The following PKD1L1 variants were observed in gnomAD, a reference collection of about 807,000 sequenced individuals.
PKD1L1 encodes polycystin-1-like protein 1.
Under a neutral mutation model 323.4 loss-of-function variants are expected in PKD1L1, and 236 were observed. The observed-to-expected ratio is 0.73, with a 90% confidence interval of 0.66 to 0.81. The LOEUF (loss-of-function observed/expected upper bound fraction) is 0.81, where lower values mean the gene tolerates loss of function less well. PKD1L1 is among the 40% of genes least tolerant of loss of function. PKD1L1 has a pLI of 0.00. For synonymous variants in PKD1L1, 1,344 were observed against 1,335.0 expected (o/e 1.01, Z -0.15); for missense variants, 3,320 against 3,508.0 (o/e 0.95, Z 1.35).
At chr7:47,936,299 CTG>C (rs769521160) in intron 4 of PKD1L1, among the ~76,000 whole-genome samples, 1 of 152,186 alleles carries the variant, frequency 6.6e-6, no homozygotes, top group Admixed American at 6.5e-5. Flanking sequence ...AACTGAAGCT[CTG>C]TGCCCATTAC....
rs544842526 is a variant in PKD1L1, at chr7:47,904,355, TCCG to T, written c.1931+20_1931+22del. 106 of 1,613,620 alleles carry T rather than the reference TCCG, an allele frequency of 6.6e-5. No individual in the cohort carries two copies. In the East Asian group the frequency reaches 2.2e-3, roughly 33 times the overall value. On this transcript the variant is annotated intron_variant, in intron 12 of 56. Coordinates refer to ENST00000289672, the MANE Select transcript of PKD1L1 (RefSeq NM_138295.5). ...TTCCCGCGCTGTCTGTAGAGAGCAC[TCCG>T]CCGCCTTGCAGTGGCTCACCTACTG...
At chr7:47,829,196 C>A (rs142085492) in intron 44 of PKD1L1, among the ~76,000 whole-genome samples, 2 of 152,118 alleles carry the variant, frequency 1.3e-5, no homozygotes, top group Non-Finnish European at 2.9e-5. Flanking sequence ...AAAATATGCT[C>A]ATTTTCTTGA....
intron 41 of PKD1L1, among the ~76,000 whole-genome samples, chr7:47,832,295 C>T (rs1016332638): frequency 1.3e-5 from 2 of 152,220 alleles, no homozygotes; most frequent in African/African-American, 2.4e-5. Flanking sequence ...GCCCAGGCCA[C>T]GTGTCCAGTT....
At chr7:47,795,954 T>C (rs767666095) in intron 55 of PKD1L1, 35 bp downstream of exon 55, 3 of 1,594,386 alleles carry the variant, frequency 1.9e-6, no homozygotes, top group Non-Finnish European at 1.7e-6. Context: ...GAGTGTGTGC[T>C]ATCATGCTCA....
In PKD1L1 at chr7:47,834,392, CA is replaced by C. The variant is rs770446770; in HGVS notation, c.6128-8del. On this transcript the variant is annotated splice_region_variant and splice_polypyrimidine_tract_variant and intron_variant, in intron 39 of 56. Coordinates refer to ENST00000289672, the MANE Select transcript of PKD1L1 (RefSeq NM_138295.5). The stretch of plus-strand genomic sequence containing the variant: ...CTTCCCCAGGAATTAGGACCTGATT[CA>C]AAAAAATAAAAATCCAATGTACGAT... 1 of 1,612,916 alleles carries C rather than the reference CA, an allele frequency of 6.2e-7. No homozygotes were observed. The highest frequency in any genetic ancestry group is 8.5e-7 in the Non-Finnish European group (1 of 1,179,108).
intron 18 of PKD1L1, among the ~76,000 whole-genome samples, chr7:47,885,034 T>G (rs1786652036): frequency 6.6e-6 from 1 of 152,202 alleles, no homozygotes; most frequent in Admixed American, 6.5e-5. Context: ...TCTTTTCTTT[T>G]AGAAGGAGAG....
At chr7:47,914,077 T>C (rs1787378584) in intron 8 of PKD1L1, among the ~76,000 whole-genome samples, 1 of 152,184 alleles carries the variant, frequency 6.6e-6, no homozygotes, top group African/African-American at 2.4e-5. Flanking sequence ...AATATTCTAA[T>C]TTCATCATTG....
At chr7:47,956,495 C>T in the PKD1L1 span, among the ~76,000 whole-genome samples, 12 of 152,280 alleles carry the variant, frequency 7.9e-5, no homozygotes, top group South Asian at 6.2e-4. Context: ...TGGCACTACA[C>T]GGGCTGTAGC....
chr7:47,913,600 C>T (rs79844664), intron 8 of PKD1L1, among the ~76,000 whole-genome samples: 8,416 of 152,048 alleles, frequency 0.055, 327 homozygotes, highest in Non-Finnish European at 0.084. Flanking sequence ...GTGGCACCTC[C>T]CCCCCTCTTG....
intron 46 of PKD1L1, among the ~76,000 whole-genome samples, chr7:47,819,350 G>T (rs775461372): frequency 2.6e-5 from 4 of 152,190 alleles, no homozygotes; most frequent in Non-Finnish European, 5.9e-5. Flanking sequence ...TTTCTGATTT[G>T]AATATCAAGA....
intron 6 of PKD1L1, 47 bp from the exon 7 acceptor site, chr7:47,929,573 T>G (rs1265044061): frequency 6.6e-7 from 1 of 1,524,940 alleles, no homozygotes; most frequent in Non-Finnish European, 8.9e-7. Context: ...AGTGGACCAC[T>G]GGGGTGGGAG....
At chr7:47,796,830 CA>C (rs71006525) in intron 54 of PKD1L1, among the ~76,000 whole-genome samples, 27,534 of 132,082 alleles carry the variant, frequency 0.21, 2,936 homozygotes, top group South Asian at 0.3. Context: ...TCCTAAATTA[CA>C]AAAAAAAAAA....
At position 47,821,180 on chromosome 7, in the gene PKD1L1, A is replaced by ATATTAC; in HGVS notation, c.6860_6861insGTAATA (p.Ile2287delinsMetTer). Reference sequence around the variant, plus strand: ...GAAGCAGCATGAGGATGTCCATGGAAATGTCTCTGTAAGAAGAGTTTTTAA... The same window carrying ATATTAC: ...GAAGCAGCATGAGGATGTCCATGGAATATTACATGTCTCTGTAAGAAGAGTTTTTAA... On this transcript the variant is annotated stop_gained and protein_altering_variant, in exon 46 of 57. Coordinates refer to ENST00000289672, the MANE Select transcript of PKD1L1 (RefSeq NM_138295.5). LOFTEE classifies it high-confidence loss of function. The ATATTAC allele has an allele frequency of 6.2e-7, 1 of 1,600,566 alleles. No individual in the cohort carries two copies. The highest frequency in any genetic ancestry group is 1.7e-5 in the Admixed American group (1 of 59,952).
chr7:47,927,527 G>A (rs1787678596), intron 7 of PKD1L1, among the ~76,000 whole-genome samples: 1 of 152,064 alleles, frequency 6.6e-6, no homozygotes, highest in South Asian at 2.1e-4. Flanking sequence ...GTCTCCCAAA[G>A]CACTAGTATT....
intron 21 of PKD1L1, among the ~76,000 whole-genome samples, chr7:47,879,873 C>T (rs1291763315): frequency 1.6e-5 from 2 of 125,582 alleles, no homozygotes; most frequent in Non-Finnish European, 3.2e-5. Context: ...GCAGAGCTTG[C>T]GGTGAGCCAA....
chr7:47,930,505 G>A (rs534156828), intron 6 of PKD1L1, among the ~76,000 whole-genome samples: 21 of 142,942 alleles, frequency 1.5e-4, no homozygotes, highest in Non-Finnish European at 2.4e-4. Flanking sequence ...ACTCCCTCTC[G>A]AAAAAAAAAT....
chr7:47,845,123 C>T (rs767624830), intron 32 of PKD1L1, 45 bp from the exon 33 acceptor site: 9 of 1,482,870 alleles, frequency 6.1e-6, no homozygotes, highest in Non-Finnish European at 7.5e-6. Context: ...GTGGAGAGAG[C>T]AGCTGTTGAC....
chr7:47,861,525 G>A (rs925874074), intron 26 of PKD1L1, among the ~76,000 whole-genome samples: 6 of 152,190 alleles, frequency 3.9e-5, no homozygotes, highest in African/African-American at 1.4e-4. Flanking sequence ...TGCCTACGTT[G>A]GGTTGTGTGC....
intron 41 of PKD1L1, among the ~76,000 whole-genome samples, chr7:47,831,654 T>G (rs1300010932): frequency 6.6e-6 from 1 of 152,178 alleles, no homozygotes; most frequent in African/African-American, 2.4e-5. Flanking sequence ...ACTGCTGAGC[T>G]GGGACATTGG....
Sources: gnomAD v4.1 joint callset for allele counts (sites outside exome capture counted in the v4.1 genomes callset) on GRCh38, gnomAD v4.1.1 for gene constraint, MANE v1.5 for transcripts, NCBI Gene and HGNC (gene_info 2026-07-23, HGNC 2026-07-21) for gene names.